The following EPHA3 variants were observed in gnomAD, a reference collection of about 807,000 sequenced individuals.
The protein encoded by EPHA3 is ephrin type-A receptor 3.
In EPHA3, 42 loss-of-function variants were observed where a neutral mutation model predicts 107.1. The ratio of observed to expected loss-of-function variants is 0.39; its 90% CI spans 0.31 to 0.51. EPHA3 has a LOEUF of 0.51. EPHA3 is among the 20% of genes least tolerant of loss of function. EPHA3 has a pLI of 0.78. For missense variants in EPHA3, 1,183 were observed against 1,211.2 expected (o/e 0.98, Z 0.35); for synonymous variants, 461 against 424.8 (o/e 1.09, Z -1.05).
intron 2 of EPHA3, among the ~76,000 whole-genome samples, chr3:89,206,738 C>T (rs1450962100): frequency 6.6e-6 from 1 of 152,120 alleles, no homozygotes; most frequent in Non-Finnish European, 1.5e-5. Flanking sequence ...ACCCTAAGAA[C>T]TGAGACGCTC....
chr3:89,208,460 A>C (rs1159952764), intron 2 of EPHA3, among the ~76,000 whole-genome samples: 1 of 104,998 alleles, frequency 9.5e-6, no homozygotes, highest in East Asian at 2.1e-4. Context: ...GAAAGAAAGA[A>C]AGAAAGAAAG....
At chr3:89,130,627 CTTTTTT>C (rs869075361) in intron 2 of EPHA3, among the ~76,000 whole-genome samples, 2 of 136,628 alleles carry the variant, frequency 1.5e-5, no homozygotes, top group South Asian at 2.3e-4. Context: ...TTTCTATCTC[CTTTTTT>C]TTTTTTTTTT....
At chr3:89,237,161 A>G (rs1704784367) in intron 3 of EPHA3, among the ~76,000 whole-genome samples, 1 of 152,226 alleles carries the variant, frequency 6.6e-6, no homozygotes, top group Non-Finnish European at 1.5e-5. Context: ...CACGAGTTCA[A>G]GACCAGCCTG....
At chr3:89,221,977 C>T (rs1028306948) in intron 3 of EPHA3, among the ~76,000 whole-genome samples, 1 of 152,068 alleles carries the variant, frequency 6.6e-6, no homozygotes, top group Non-Finnish European at 1.5e-5. Context: ...AGCATAACAT[C>T]TCTTTCTTTA....
chr3:89,400,661 T>G (rs1708944773), intron 7 of EPHA3, among the ~76,000 whole-genome samples: 1 of 145,712 alleles, frequency 6.9e-6, no homozygotes, highest in Non-Finnish European at 1.5e-5. Context: ...GTGTGTGTGT[T>G]TAGGTAATCA....
In EPHA3 at chr3:89,407,251, T is replaced by G. The variant is rs1332875953; in HGVS notation, c.1595-18T>G. 1 of 1,594,130 alleles carries G rather than the reference T, an allele frequency of 6.3e-7. No individual in the cohort carries two copies. The highest frequency in any genetic ancestry group is 8.6e-7 in the Non-Finnish European group (1 of 1,162,258). ...TGATTATAATACCTGTTCTTATTTT[T>G]TCTCTTCAACCTCACAGCTTTCTCC... On this transcript the variant is annotated intron_variant, in intron 7 of 16. Transcript: ENST00000336596.
chr3:89,476,645 T>C (rs554550007), intron 16 of EPHA3, among the ~76,000 whole-genome samples: 2 of 150,180 alleles, frequency 1.3e-5, no homozygotes, highest in South Asian at 4.2e-4. Flanking sequence ...TCTCGCTCTG[T>C]CGCCCAGGCT....
intron 13 of EPHA3, among the ~76,000 whole-genome samples, chr3:89,439,817 A>T (rs1709749400): frequency 6.6e-6 from 1 of 152,108 alleles, no homozygotes; most frequent in Non-Finnish European, 1.5e-5. Context: ...TTTGTAGAAG[A>T]TAGATATCAT....
At chr3:89,375,695 G>A (rs766600699) in intron 5 of EPHA3, among the ~76,000 whole-genome samples, 1 of 151,912 alleles carries the variant, frequency 6.6e-6, no homozygotes, top group African/African-American at 2.4e-5. Context: ...GAAGCCCTCA[G>A]TCATACAGAT....
intron 5 of EPHA3, among the ~76,000 whole-genome samples, chr3:89,385,908 C>G (rs1223155282): frequency 1.3e-5 from 2 of 152,146 alleles, no homozygotes; most frequent in Non-Finnish European, 2.9e-5. Flanking sequence ...GATGACCAGG[C>G]TGAGGTGGTC....
At chr3:89,295,184 C>T (rs1706316629) in intron 3 of EPHA3, among the ~76,000 whole-genome samples, 1 of 152,170 alleles carries the variant, frequency 6.6e-6, no homozygotes, top group Admixed American at 6.5e-5. Flanking sequence ...GTTATGTTTA[C>T]TCTCTACCAT....
intron 1 of EPHA3, among the ~76,000 whole-genome samples, chr3:89,125,685 T>C (rs1324959808): frequency 2.0e-5 from 3 of 151,666 alleles, no homozygotes; most frequent in Non-Finnish European, 3.0e-5. Context: ...GGAATTATAA[T>C]ATAAAAGGTA....
intron 3 of EPHA3, among the ~76,000 whole-genome samples, chr3:89,297,898 G>A (rs2107340744): frequency 6.6e-6 from 1 of 152,220 alleles, no homozygotes; most frequent in East Asian, 1.9e-4. Flanking sequence ...AGCTGGGCAT[G>A]ATGGTGCATG....
intron 2 of EPHA3, among the ~76,000 whole-genome samples, chr3:89,205,811 T>A (rs190812966): frequency 6.6e-6 from 1 of 152,152 alleles, no homozygotes; most frequent in African/African-American, 2.4e-5. Context: ...CCCTTTTTTT[T>A]TTCATCTCTG....
At chr3:89,356,863 G>A (rs893924931) in intron 5 of EPHA3, among the ~76,000 whole-genome samples, 2 of 150,258 alleles carry the variant, frequency 1.3e-5, no homozygotes, top group South Asian at 2.1e-4. Flanking sequence ...CCAACACTTT[G>A]GGCAGCCGAG....
At chr3:89,279,352 C>T (rs1035879705) in intron 3 of EPHA3, among the ~76,000 whole-genome samples, 2 of 152,080 alleles carry the variant, frequency 1.3e-5, no homozygotes, top group African/African-American at 4.8e-5. Context: ...GTGGCCTGTA[C>T]TTGTTCTACA....
rs1259148314 is a variant in EPHA3, at chr3:89,348,896, G to C, written c.1306+6806G>C. Among the ~76,000 whole-genome samples the C allele has an allele frequency of 7.3e-5, 9 of 123,302 alleles. No individual in the cohort carries two copies. The East Asian group carries it at 2.0e-3, about 27-fold the overall frequency. The allele number at this position is 123,302 out of a possible 152,430, so 80.9% of individuals were successfully genotyped here. A position where few individuals can be genotyped will look rare whatever the true frequency, so the allele number is the denominator to read the frequency against. ...GTACCCAGTAGTCATTCAGGAGCAG[G>C]TTGTTCAGTTTCCATGTAGTTGAGT... On this transcript the variant is annotated intron_variant, in intron 5 of 16. Coordinates refer to ENST00000336596, the MANE Select transcript of EPHA3 (RefSeq NM_005233.6).
intron 5 of EPHA3, among the ~76,000 whole-genome samples, chr3:89,362,957 A>C (rs949569302): frequency 6.6e-6 from 1 of 151,044 alleles, no homozygotes; most frequent in African/African-American, 2.4e-5. Context: ...AAGAAGATTT[A>C]TGCAAACCCA....
rs200724434 is a variant in EPHA3, at chr3:89,407,309, C to T, written c.1635C>T (p.Ile545=). The change falls in exon 8 of 17, where the codon ATC becomes ATT. Residue 545 remains isoleucine, a synonymous_variant. Transcript: ENST00000336596. ...GTGAAAGTAGCCAAGTGGTCATGAT[C>T]GCCATTTCAGCGGCAGTAGCAATTA... ...ISGESSQVVM[I]AISAAVAIIL... is the part of the protein sequence containing the mutation. 291 of 1,613,466 alleles carry T rather than the reference C, an allele frequency of 1.8e-4. No homozygotes were observed. The highest frequency in any genetic ancestry group is 1.6e-4 in the Middle Eastern group (1 of 6,082).
Sources: gnomAD v4.1 joint callset for allele counts (sites outside exome capture counted in the v4.1 genomes callset) on GRCh38, gnomAD v4.1.1 for gene constraint, MANE v1.5 for transcripts, NCBI Gene and HGNC (gene_info 2026-07-23, HGNC 2026-07-21) for gene names.